The following ZCWPW2 variants were observed in gnomAD, a reference collection of about 807,000 sequenced individuals.
The protein encoded by ZCWPW2 is zinc finger CW-type and PWWP domain containing 2, also known as zinc finger CW-type PWWP domain protein 2.
In ZCWPW2, 45 loss-of-function variants were observed where a neutral mutation model predicts 46.6. The observed-to-expected ratio is 0.96, with a 90% CI of 0.76 to 1.24. The LOEUF is 1.24. Ranked by LOEUF, ZCWPW2 falls within the 50% of genes most tolerant of loss-of-function variation. The pLI, the probability that ZCWPW2 is intolerant of heterozygous loss-of-function variation, is 0.00. For synonymous variants in ZCWPW2, 152 were observed against 137.1 expected, an observed-to-expected ratio of 1.11 and a Z score of -0.76; for missense variants, 429 against 403.9, an observed-to-expected ratio of 1.06 and a Z score of -0.53.
At chr3:28,481,082 G>C (rs1190336059) in intron 5 of ZCWPW2, among the ~76,000 whole-genome samples, 1 of 151,924 alleles carries the variant, frequency 6.6e-6, no homozygotes, top group Non-Finnish European at 1.5e-5. Context: ...GGCCAGGCTG[G>C]TCTTGAACTT....
At chr3:28,460,629 G>C (rs1490152674) in intron 4 of ZCWPW2, among the ~76,000 whole-genome samples, 1 of 152,132 alleles carries the variant, frequency 6.6e-6, no homozygotes, top group Non-Finnish European at 1.5e-5. Context: ...TGTATCAAAG[G>C]AACAGGAATG....
At chr3:28,355,740 G>A (rs1014722886) in intron 1 of ZCWPW2, among the ~76,000 whole-genome samples, 4 of 152,210 alleles carry the variant, frequency 2.6e-5, no homozygotes, top group Admixed American at 6.5e-5. Context: ...ACAGAAACAA[G>A]CAATGAGGAA....
intron 4 of ZCWPW2, among the ~76,000 whole-genome samples, chr3:28,462,298 A>G (rs939726177): frequency 2.0e-5 from 3 of 152,198 alleles, no homozygotes; most frequent in Non-Finnish European, 4.4e-5. Context: ...GGGAGGTTGA[A>G]CCCATGCTAT....
At chr3:28,355,175 G>T (rs1487023183) in intron 1 of ZCWPW2, among the ~76,000 whole-genome samples, 1 of 152,210 alleles carries the variant, frequency 6.6e-6, no homozygotes, top group South Asian at 2.1e-4. Flanking sequence ...CAAAATCAAT[G>T]TGCAAAAATC....
intron 5 of ZCWPW2, among the ~76,000 whole-genome samples, chr3:28,482,759 A>T (rs1441343440): frequency 6.6e-6 from 1 of 152,162 alleles, no homozygotes; most frequent in Non-Finnish European, 1.5e-5. Flanking sequence ...TATGATGTTG[A>T]ACATCCTTTC....
chr3:28,356,344 T>C (rs1313046085), intron 1 of ZCWPW2, among the ~76,000 whole-genome samples: 1 of 151,622 alleles, frequency 6.6e-6, no homozygotes, highest in Non-Finnish European at 1.5e-5. Flanking sequence ...TTAAATAAAG[T>C]CAGGAAACAG....
At chr3:28,353,130 A>G (rs1704617667) in intron 1 of ZCWPW2, among the ~76,000 whole-genome samples, 1 of 152,034 alleles carries the variant, frequency 6.6e-6, no homozygotes, top group South Asian at 2.1e-4. Flanking sequence ...GCCACAGTGA[A>G]CTGAGATTGC....
intron 6 of ZCWPW2, among the ~76,000 whole-genome samples, chr3:28,492,480 A>G (rs891267317): frequency 1.2e-4 from 18 of 152,092 alleles, no homozygotes; most frequent in Non-Finnish European, 1.8e-4. Flanking sequence ...ATATTTTCAT[A>G]TACTATATTA....
intron 3 of ZCWPW2, among the ~76,000 whole-genome samples, chr3:28,424,640 A>T (rs982060686): frequency 1.9e-4 from 29 of 152,292 alleles, no homozygotes; most frequent in African/African-American, 6.3e-4. Context: ...ACTATGAAAA[A>T]ATAAATCTCT....
chr3:28,464,472 C>T (rs1392813818), intron 4 of ZCWPW2, among the ~76,000 whole-genome samples: 2 of 152,060 alleles, frequency 1.3e-5, no homozygotes, highest in African/African-American at 2.4e-5. Flanking sequence ...ATCAGATGTT[C>T]CTAGTTGGGA....
chr3:28,406,414 A>T (rs1206562081), intron 2 of ZCWPW2, among the ~76,000 whole-genome samples: 1 of 152,198 alleles, frequency 6.6e-6, no homozygotes, highest in Non-Finnish European at 1.5e-5. Context: ...ACTGTTGTCC[A>T]GTCATAGCAT....
chr3:28,466,524 T>C (rs1187663846), intron 4 of ZCWPW2, among the ~76,000 whole-genome samples: 1 of 152,172 alleles, frequency 6.6e-6, no homozygotes, highest in Non-Finnish European at 1.5e-5. Context: ...CGAGACTGGC[T>C]GTGGTGGCTC....
At chr3:28,448,277 A>G (rs1001558887) in intron 4 of ZCWPW2, among the ~76,000 whole-genome samples, 2 of 152,184 alleles carry the variant, frequency 1.3e-5, no homozygotes, top group South Asian at 4.1e-4. Flanking sequence ...AAAGAAATTC[A>G]GTTGCATTTC....
At chr3:28,517,017 T>C (rs1206159447) in intron 8 of ZCWPW2, among the ~76,000 whole-genome samples, 4 of 152,146 alleles carry the variant, frequency 2.6e-5, no homozygotes, top group Non-Finnish European at 5.9e-5. Flanking sequence ...TAGTTATTTT[T>C]AAAAAATAAC....
chr3:28,373,298 C>T lies in ZCWPW2; in HGVS notation c.-133-17200C>T, dbSNP rs1227763386. Among the ~76,000 whole-genome samples the T allele has an allele frequency of 2.0e-5, 3 of 152,296 alleles. No individual in the cohort carries two copies. The East Asian group carries it at 5.8e-4, about 29-fold the overall frequency. Reference sequence around the variant, plus strand: ...AAAGAATAGGAGGGTTCCCCTTTCTCCACATCCTTACCAGCATTTGTTATT... The same window carrying T: ...AAAGAATAGGAGGGTTCCCCTTTCTTCACATCCTTACCAGCATTTGTTATT... On this transcript the variant is annotated intron_variant, in intron 1 of 9. Transcript: ENST00000383768.
At chr3:28,395,406 G>C (rs1695654979) in intron 2 of ZCWPW2, among the ~76,000 whole-genome samples, 1 of 152,068 alleles carries the variant, frequency 6.6e-6, no homozygotes, top group South Asian at 2.1e-4. Context: ...TTACTTCAAA[G>C]GTATTTATCC....
chr3:28,354,409 A>G lies in ZCWPW2; in HGVS notation c.-134+5206A>G, dbSNP rs1291532751. Reference sequence around the variant, plus strand: ...CTAGGACCAGACGGATTCACAGCCAAATTCTACCAGAGGTACAAAGAGGAG... The same window carrying G: ...CTAGGACCAGACGGATTCACAGCCAGATTCTACCAGAGGTACAAAGAGGAG... On this transcript the variant is annotated intron_variant, in intron 1 of 9. Transcript: ENST00000383768. 1.4e-5 allele frequency among the ~76,000 whole-genome samples: 2 copies of G among 141,412 alleles called. 1 individual carries two copies. The highest frequency in any genetic ancestry group is 3.2e-5 in the Non-Finnish European group (2 of 63,082). 92.8% of individuals were successfully genotyped at this position (141,412 alleles called of 152,430 possible).
At chr3:28,518,135 C>T (rs919178186) in intron 8 of ZCWPW2, among the ~76,000 whole-genome samples, 1 of 76,002 alleles carries the variant, frequency 1.3e-5, no homozygotes, top group Non-Finnish European at 2.4e-5. Context: ...GACTCCGTCT[C>T]AAAAAAAAAA....
At chr3:28,439,314 A>T (rs970908744) in intron 4 of ZCWPW2, among the ~76,000 whole-genome samples, 3 of 152,070 alleles carry the variant, frequency 2.0e-5, no homozygotes, top group Non-Finnish European at 4.4e-5. Flanking sequence ...GGAAGCATCC[A>T]GCACGGGAGA....
Sources: gnomAD v4.1 joint callset for allele counts (sites outside exome capture counted in the v4.1 genomes callset) on GRCh38, gnomAD v4.1.1 for gene constraint, MANE v1.5 for transcripts, NCBI Gene and HGNC (gene_info 2026-07-23, HGNC 2026-07-21) for gene names.